Variants in PRKACB observed in about 807,000 individuals in gnomAD.
PRKACB encodes the protein cAMP-dependent protein kinase catalytic subunit beta.
A neutral mutation model predicts 51.4 loss-of-function variants in PRKACB; 16 were observed. The ratio of observed to expected loss-of-function variants is 0.31; its 90% CI spans 0.21 to 0.47. The LOEUF (loss-of-function observed/expected upper bound fraction) is 0.47, where lower values mean the gene tolerates loss of function less well. PRKACB is among the 20% of genes least tolerant of loss of function. PRKACB has a pLI of 1.00. For missense variants in PRKACB, 309 were observed against 464.5 expected (o/e 0.67, Z 3.08); for synonymous variants, 147 against 154.4 (o/e 0.95, Z 0.35).
At chr1:84,158,599 T>C (rs1226917927) in intron 1 of PRKACB, among the ~76,000 whole-genome samples, 1 of 150,234 alleles carries the variant, frequency 6.7e-6, no homozygotes, top group Non-Finnish European at 1.5e-5. Flanking sequence ...AAATATCAAA[T>C]ATTTCCTTCT....
In PRKACB at chr1:84,163,609, G is replaced by T. The variant is rs1558055965; in HGVS notation, c.188-15568G>T. 2.0e-5 allele frequency among the ~76,000 whole-genome samples: 3 copies of T among 151,946 alleles called. No homozygotes were observed. In the East Asian group the frequency reaches 5.8e-4, roughly 29 times the overall value. On this transcript the variant is annotated intron_variant, in intron 1 of 9. Transcript: ENST00000370685. Reference sequence around the variant, plus strand: ...TATAAAGGAGTGGGAGCAGCCCCAGGCAAGAACATCTCTGACTCCCACTGT... The same window carrying T: ...TATAAAGGAGTGGGAGCAGCCCCAGTCAAGAACATCTCTGACTCCCACTGT...
intron 1 of PRKACB, among the ~76,000 whole-genome samples, chr1:84,153,115 G>T (rs1655037686): frequency 6.6e-6 from 1 of 151,916 alleles, no homozygotes; most frequent in African/African-American, 2.4e-5. Flanking sequence ...GAGAAATGGG[G>T]GACTAGCTGG....
At chr1:84,195,820 G>A (rs1668074923) in intron 5 of PRKACB, among the ~76,000 whole-genome samples, 1 of 151,438 alleles carries the variant, frequency 6.6e-6, no homozygotes, top group African/African-American at 2.4e-5. Context: ...AGCTGAGGCA[G>A]AAGAATCGCT....
chr1:84,234,632 G>A (rs61766401), intron 9 of PRKACB, among the ~76,000 whole-genome samples: 13,434 of 152,232 alleles, frequency 0.088, 701 homozygotes, highest in African/African-American at 0.14. Flanking sequence ...CGTTTTTTAA[G>A]CCCGTGGGAA....
At chr1:84,217,620 T>C (rs1673069626) in intron 9 of PRKACB, among the ~76,000 whole-genome samples, 1 of 152,078 alleles carries the variant, frequency 6.6e-6, no homozygotes, top group Admixed American at 6.6e-5. Context: ...TAGTGAGACA[T>C]CATCTCTTCA....
At chr1:84,133,665 A>G (rs974248067) in intron 1 of PRKACB, among the ~76,000 whole-genome samples, 1 of 151,792 alleles carries the variant, frequency 6.6e-6, no homozygotes, top group African/African-American at 2.4e-5. Flanking sequence ...GCTGCCCTCT[A>G]CCCCTTGCGG....
At chr1:84,219,227 G>GTTT (rs772119278) in intron 9 of PRKACB, among the ~76,000 whole-genome samples, 1 of 140,090 alleles carries the variant, frequency 7.1e-6, no homozygotes, top group Non-Finnish European at 1.6e-5. Flanking sequence ...TGTTTATTAG[G>GTTT]TTTTTTTTTT....
chr1:84,171,936 C>A (rs958518317), intron 1 of PRKACB, among the ~76,000 whole-genome samples: 4 of 151,556 alleles, frequency 2.6e-5, no homozygotes, highest in Non-Finnish European at 5.9e-5. Flanking sequence ...AACCAAAGTG[C>A]TAAAGAACCT....
intron 5 of PRKACB, among the ~76,000 whole-genome samples, chr1:84,194,892 C>CA (rs1349850579): frequency 6.6e-6 from 1 of 151,998 alleles, no homozygotes; most frequent in Non-Finnish European, 1.5e-5. Context: ...GATCATGCTA[C>CA]AGCACTCCAG....
rs562608526 is a variant in PRKACB at position 84,167,893 on chromosome 1, C to T, written c.188-11284C>T. ...GAAACTAAATTGTACCAGTCAGTAC[C>T]TTTATCTTTCTAGTATTTAAAAAAT... On this transcript the variant is annotated intron_variant, in intron 1 of 9. Transcript: ENST00000370685. Among the ~76,000 whole-genome samples, 89 of 151,524 alleles carry T rather than the reference C, an allele frequency of 5.9e-4. 1 individual carries two copies. The South Asian group carries it at 0.018, about 30-fold the overall frequency.
At chr1:84,078,702 C>T (rs1214815988) in intron 1 of PRKACB, among the ~76,000 whole-genome samples, 1 of 152,202 alleles carries the variant, frequency 6.6e-6, no homozygotes, top group Non-Finnish European at 1.5e-5. Flanking sequence ...CTAGTGCCAT[C>T]CCACCCCTGC....
At position 84,237,540 on chromosome 1, in the gene PRKACB, C is replaced by G. The variant is rs1676762903; in HGVS notation, c.*2235C>G. ...GGCTATTCAGCCATTCCATTTTACTCTCTATTTAAAGGCCGTGAGCAAGCT... is the reference window on the plus strand; with the variant it reads ...GGCTATTCAGCCATTCCATTTTACTGTCTATTTAAAGGCCGTGAGCAAGCT... On this transcript the variant is annotated 3_prime_UTR_variant, in exon 10 of 10. Coordinates refer to ENST00000370685, the MANE Select transcript of PRKACB (RefSeq NM_182948.4). The G allele has an allele frequency of 6.6e-6, 1 of 151,830 alleles. No homozygotes were observed. Among genetic ancestry groups the G allele is most frequent in the Admixed American group, 6.6e-5 (1 of 15,258 alleles). The allele number at this position is 151,830 out of a possible 1,614,324, so 9.4% of individuals were successfully genotyped here.
intron 1 of PRKACB, among the ~76,000 whole-genome samples, chr1:84,111,667 C>T (rs556484991): frequency 5.3e-5 from 8 of 151,838 alleles, no homozygotes; most frequent in African/African-American, 1.9e-4. Context: ...AACAAACCCC[C>T]GTGACACAAG....
At chr1:84,136,944 A>T (rs952271989) in intron 1 of PRKACB, among the ~76,000 whole-genome samples, 1 of 152,208 alleles carries the variant, frequency 6.6e-6, no homozygotes, top group Admixed American at 6.5e-5. Context: ...GTTTTCCTCC[A>T]TGCTGTACTC....
At chr1:84,205,708 T>C (rs575272363) in intron 8 of PRKACB, among the ~76,000 whole-genome samples, 7 of 152,138 alleles carry the variant, frequency 4.6e-5, no homozygotes, top group Non-Finnish European at 7.4e-5. Context: ...TGTAAAATAC[T>C]TTCTCTATTA....
At chr1:84,201,584 A>AG (rs1670110753) in intron 7 of PRKACB, among the ~76,000 whole-genome samples, 2 of 152,148 alleles carry the variant, frequency 1.3e-5, no homozygotes, top group Non-Finnish European at 2.9e-5. Context: ...ACACAGTATC[A>AG]GGAAAAAAAA....
intron 1 of PRKACB, among the ~76,000 whole-genome samples, chr1:84,093,736 T>A (rs1296611464): frequency 1.3e-5 from 2 of 152,008 alleles, no homozygotes; most frequent in African/African-American, 4.8e-5. Flanking sequence ...TTTATTTAGA[T>A]CTACTTTAAC....
intron 1 of PRKACB, among the ~76,000 whole-genome samples, chr1:84,127,450 A>G (rs1289152021): frequency 2.0e-5 from 3 of 152,226 alleles, no homozygotes; most frequent in Non-Finnish European, 2.9e-5. Context: ...ATTCAACTGT[A>G]TCAGTATTAA....
chr1:84,163,254 C>T (rs1382941273), intron 1 of PRKACB, among the ~76,000 whole-genome samples: 1 of 151,974 alleles, frequency 6.6e-6, no homozygotes, highest in African/African-American at 2.4e-5. Flanking sequence ...GTCCTTTGTG[C>T]TTGTCATTAC....
Sources: gnomAD v4.1 joint callset for allele counts (sites outside exome capture counted in the v4.1 genomes callset) on GRCh38, gnomAD v4.1.1 for gene constraint, MANE v1.5 for transcripts, NCBI Gene and HGNC (gene_info 2026-07-23, HGNC 2026-07-21) for gene names.